ADGRV1: variants seen among roughly 807,000 people sequenced by gnomAD.
ADGRV1 encodes the protein G-protein coupled receptor 98.
A neutral mutation model predicts 596.2 loss-of-function variants in ADGRV1; 359 were observed. The observed-to-expected ratio is 0.60, with a 90% CI of 0.55 to 0.66. The LOEUF (loss-of-function observed/expected upper bound fraction) is 0.66, where lower values mean the gene tolerates loss of function less well. ADGRV1 is among the 30% of genes least tolerant of loss of function. ADGRV1 has a pLI of 0.00. For missense variants in ADGRV1, 7,274 were observed against 7,575.6 expected (o/e 0.96, Z 1.48); for synonymous variants, 2,681 against 2,679.2 (o/e 1.00, Z -0.02).
At chr5:91,089,248 C>A (rs1790175174) in intron 86 of ADGRV1, among the ~76,000 whole-genome samples, 1 of 152,018 alleles carries the variant, frequency 6.6e-6, no homozygotes, top group Non-Finnish European at 1.5e-5. Context: ...AATTATTTAA[C>A]AACAGAGAGT....
At chr5:91,008,241 G>A (rs1196402789) in intron 85 of ADGRV1, among the ~76,000 whole-genome samples, 5 of 152,084 alleles carry the variant, frequency 3.3e-5, no homozygotes, top group East Asian at 3.9e-4. Context: ...GTGGTCAGGA[G>A]ACAACTGACT....
At chr5:90,835,896 A>C (rs1764929105) in intron 77 of ADGRV1, among the ~76,000 whole-genome samples, 1 of 152,238 alleles carries the variant, frequency 6.6e-6, no homozygotes, top group South Asian at 2.1e-4. Flanking sequence ...AAAAGGAAAG[A>C]ACTTTGGAAC....
At chr5:91,017,359 T>A (rs370191012) in intron 85 of ADGRV1, among the ~76,000 whole-genome samples, 12 of 151,372 alleles carry the variant, frequency 7.9e-5, no homozygotes, top group African/African-American at 2.7e-4. Flanking sequence ...AAAAAAAAAA[T>A]GATAAATTTT....
At chr5:91,097,160 A>C (rs377015146) in intron 86 of ADGRV1, among the ~76,000 whole-genome samples, 6 of 152,312 alleles carry the variant, frequency 3.9e-5, no homozygotes, top group East Asian at 3.9e-4. Context: ...AGAAAGTCCA[A>C]GATCAAGGTG....
chr5:90,753,216 A>G (rs1334603576), intron 53 of ADGRV1, among the ~76,000 whole-genome samples: 1 of 152,224 alleles, frequency 6.6e-6, no homozygotes, highest in Non-Finnish European at 1.5e-5. Flanking sequence ...AAAATCTTTA[A>G]GCTAGTATGC....
In ADGRV1 at chr5:90,721,899, A is replaced by G. The variant is rs146970636; in HGVS notation, c.9748+840A>G. ...GAAAACTGAGGCATAAAAAGCACAC[A>G]TAAGTGAAGAACTTGAGTGGATAGT... On this transcript the variant is annotated intron_variant, in intron 45 of 89. Coordinates refer to ENST00000405460, the MANE Select transcript of ADGRV1 (RefSeq NM_032119.4). 1.6e-3 allele frequency among the ~76,000 whole-genome samples: 243 copies of G among 152,338 alleles called. 1 individual carries two copies. The highest frequency in any genetic ancestry group is 5.8e-3 in the African/African-American group (240 of 41,576).
rs115763718 is a variant in ADGRV1 at position 90,637,622 on chromosome 5, T to C, written c.2017-103T>C. 2,268 of 729,088 alleles carry C rather than the reference T, an allele frequency of 3.1e-3. 37 individuals are homozygous for C. The African/African-American group carries it at 0.036, about 12-fold the overall frequency. 45.2% of individuals were successfully genotyped at this position (729,088 alleles called of 1,614,324 possible). A position where few individuals can be genotyped will look rare whatever the true frequency, so the allele number is the denominator to read the frequency against. ...CGCTTCTCTATATAGAATACATATG[T>C]TCACACAGTAATATATGTACAAACT... is the stretch of plus-strand genomic sequence containing the variant. On this transcript the variant is annotated intron_variant, in intron 10 of 89. Transcript: ENST00000405460.
At chr5:90,884,361 T>G (rs1046590998) in intron 83 of ADGRV1, among the ~76,000 whole-genome samples, 6 of 152,232 alleles carry the variant, frequency 3.9e-5, no homozygotes, top group Non-Finnish European at 7.3e-5. Context: ...TCATCATTTT[T>G]TTCTGCACAT....
At chr5:90,584,100 C>A (rs912319565) in intron 1 of ADGRV1, among the ~76,000 whole-genome samples, 1 of 152,104 alleles carries the variant, frequency 6.6e-6, no homozygotes, top group Non-Finnish European at 1.5e-5. Flanking sequence ...AATGGGCATA[C>A]TAATAGTACC....
At position 90,965,787 on chromosome 5, in the gene ADGRV1, G is replaced by A. The variant is rs1464998076; in HGVS notation, c.17973+256G>A. Among the ~76,000 whole-genome samples the A allele has an allele frequency of 2.0e-5, 3 of 152,164 alleles. No homozygotes were observed. The East Asian group carries it at 5.8e-4, about 29-fold the overall frequency. On this transcript the variant is annotated intron_variant, in intron 84 of 89. Transcript: ENST00000405460. The stretch of plus-strand genomic sequence containing the variant: ...GTTAGAGATGAAGTCTGCAATGTGG[G>A]CCCTTTAAAGCACAGTTGGAAATTT...
intron 85 of ADGRV1, among the ~76,000 whole-genome samples, chr5:91,001,221 G>A (rs933150973): frequency 3.3e-5 from 5 of 151,952 alleles, no homozygotes; most frequent in African/African-American, 1.2e-4. Context: ...GGGACTACAG[G>A]CATGTACCAC....
chr5:90,732,539 T>A (rs1271397754), intron 50 of ADGRV1, among the ~76,000 whole-genome samples: 2 of 152,238 alleles, frequency 1.3e-5, no homozygotes, highest in African/African-American at 4.8e-5. Flanking sequence ...GTTATTATGC[T>A]GTAGATTAGG....
At chr5:90,746,252 G>A (rs1396481765) in intron 52 of ADGRV1, among the ~76,000 whole-genome samples, 1 of 146,146 alleles carries the variant, frequency 6.8e-6, no homozygotes, top group East Asian at 2.1e-4. Flanking sequence ...GGGGGAGGGT[G>A]GAGGAGAGAG....
chr5:90,587,997 A>G (rs1271601869), intron 1 of ADGRV1, among the ~76,000 whole-genome samples: 1 of 152,226 alleles, frequency 6.6e-6, no homozygotes, highest in Admixed American at 6.5e-5. Context: ...AATTATACTG[A>G]TATTACCACT....
At chr5:90,787,747 C>T (rs772828341) in intron 67 of ADGRV1, among the ~76,000 whole-genome samples, 24 of 151,820 alleles carry the variant, frequency 1.6e-4, no homozygotes, top group East Asian at 1.4e-3. Context: ...CCTGCCACCA[C>T]GCCCGGCTAA....
At chr5:90,688,272 C>T (rs972406340) in intron 29 of ADGRV1, among the ~76,000 whole-genome samples, 1 of 152,146 alleles carries the variant, frequency 6.6e-6, no homozygotes, top group Non-Finnish European at 1.5e-5. Flanking sequence ...CTTTGACAAA[C>T]CTGAGAAAAA....
At chr5:90,729,868 GTA>G in intron 50 of ADGRV1, 104 bp downstream of exon 50, 6 of 1,197,470 alleles carry the variant, frequency 5.0e-6, no homozygotes, top group Admixed American at 4.9e-5. Context: ...CAGACACTGG[GTA>G]TTTTTTTTTT....
chr5:91,130,250 G>C (rs868227820), intron 87 of ADGRV1, among the ~76,000 whole-genome samples: 1 of 144,086 alleles, frequency 6.9e-6, no homozygotes, highest in Non-Finnish European at 1.5e-5. Flanking sequence ...AAAAAAAAGA[G>C]GCCAGGCACG....
chr5:90,876,733 G>A (rs1323893192), intron 83 of ADGRV1, among the ~76,000 whole-genome samples: 4 of 152,212 alleles, frequency 2.6e-5, no homozygotes, highest in Non-Finnish European at 5.9e-5. Flanking sequence ...GAGTCTTAAA[G>A]TAGCAGAAAA....
Sources: allele counts gnomAD v4.1 joint callset (sites outside exome capture counted in the v4.1 genomes callset), GRCh38; gene constraint gnomAD v4.1.1; transcripts MANE v1.5; gene names NCBI Gene and HGNC (gene_info 2026-07-23, HGNC 2026-07-21).